TASOR2: variants seen among roughly 807,000 people sequenced by gnomAD.
TASOR2 encodes the protein transcription activation suppressor family member 2, also known as protein TASOR 2.
A neutral mutation model predicts 199.5 loss-of-function variants in TASOR2; 84 were observed. That is an observed-to-expected ratio of 0.42 (90% CI 0.35 to 0.50). The LOEUF (loss-of-function observed/expected upper bound fraction) is 0.50, where lower values mean the gene tolerates loss of function less well. Among genes scored for constraint, TASOR2 ranks in the 20% least tolerant of loss-of-function variants. The pLI is 0.02. For synonymous variants in TASOR2, 1,103 were observed against 1,046.6 expected, an observed-to-expected ratio of 1.05 and a Z score of -1.04; for missense variants, 2,796 against 2,835.9, an observed-to-expected ratio of 0.99 and a Z score of 0.32.
At chr10:5,729,261 T>C (rs564548623) in intron 10 of TASOR2, among the ~76,000 whole-genome samples, 6 of 152,170 alleles carry the variant, frequency 3.9e-5, no homozygotes, top group Non-Finnish European at 8.8e-5. Flanking sequence ...AGACACAGAA[T>C]TGCTTGAACC....
chr10:5,749,553 G>A, exon 15 of TASOR2: 1 of 1,614,106 alleles, frequency 6.2e-7, no homozygotes, highest in Non-Finnish European at 8.5e-7. Flanking sequence ...TAACAGTTGT[G>A]GAGTCAGATC....
chr10:5,743,879 T>A (rs775963738), intron 14 of TASOR2: 1 of 131,402 alleles, frequency 7.6e-6, no homozygotes, highest in Non-Finnish European at 1.6e-5. Context: ...TCTTGTTGAA[T>A]GCTGTGCCTG....
chr10:5,761,649 TA>T (rs1237638618), intron 19 of TASOR2, 178 bp downstream of exon 20: 1 of 600,650 alleles, frequency 1.7e-6, no homozygotes. Context: ...TATTTGCAGG[TA>T]ACTACACAAT....
intron 1 of TASOR2, among the ~76,000 whole-genome samples, chr10:5,703,219 A>G (rs1303219123): frequency 2.6e-5 from 4 of 152,174 alleles, no homozygotes; most frequent in Non-Finnish European, 2.9e-5. Context: ...TAGTCTTCCT[A>G]ATTTTAAAGG....
At chr10:5,702,649 T>C (rs1184374922) in intron 1 of TASOR2, among the ~76,000 whole-genome samples, 1 of 141,436 alleles carries the variant, frequency 7.1e-6, no homozygotes, top group Non-Finnish European at 1.5e-5. Flanking sequence ...TTTTTTTTTT[T>C]TTTTTTTTTT....
Position 5,761,559 on chromosome 10 carries a change from G to T in TASOR2, c.7174+88G>T, listed in dbSNP as rs1588948714. ...GTTAGATACCTGATGAAGAGTATCAGGTATCTAAATGGCTTGGCATCCCAT... is the reference window on the plus strand; with the variant it reads ...GTTAGATACCTGATGAAGAGTATCATGTATCTAAATGGCTTGGCATCCCAT... On this transcript the variant is annotated intron_variant, in intron 19 of 20. Coordinates refer to ENST00000328090, the Ensembl canonical transcript of TASOR2. 4.1e-6 allele frequency: 5 copies of T among 1,205,258 alleles called. No homozygotes were observed. The East Asian group carries it at 9.4e-5, about 23-fold the overall frequency. The allele number at this position is 1,205,258 out of a possible 1,614,324, so 74.7% of individuals were successfully genotyped here.
intron 1 of TASOR2, chr10:5,712,619 T>A: frequency 8.9e-7 from 1 of 1,129,670 alleles, no homozygotes; most frequent in Non-Finnish European, 1.1e-6. Context: ...TATATAAGCC[T>A]AGCACTTTTT....
chr10:5,695,830 A>G (rs1466765896), intron 1 of TASOR2, among the ~76,000 whole-genome samples: 1 of 152,210 alleles, frequency 6.6e-6, no homozygotes, highest in African/African-American at 2.4e-5. Flanking sequence ...GAGCAAGCAG[A>G]TTCTTTCCAC....
At chr10:5,761,322 T>C in exon 19 of TASOR2, 3 of 1,613,920 alleles carry the variant, frequency 1.9e-6, no homozygotes, top group South Asian at 1.1e-5. Context: ...AAGAACATAA[T>C]GTTGAAGTCA....
In TASOR2 at chr10:5,730,080, G is replaced by A. The variant is rs1834602304; in HGVS notation, c.488-407G>A. Among the ~76,000 whole-genome samples the A allele has an allele frequency of 6.6e-6, 1 of 152,174 alleles. No individual in the cohort carries two copies. Among genetic ancestry groups the A allele is most frequent in the African/African-American group, 2.4e-5 (1 of 41,446 alleles). ...TTTGAAGTGAGTTCAGTAAGGTACA[G>A]CTACAGTAAAATAAATTTTAAAACA... On this transcript the variant is annotated intron_variant, in intron 10 of 20. Coordinates refer to ENST00000328090, the Ensembl canonical transcript of TASOR2. The surrounding 1 kb of genome is among the most constrained non-coding windows in gnomAD (Gnocchi z 4.1).
chr10:5,749,568 A>G, exon 15 of TASOR2: 1 of 1,614,070 alleles, frequency 6.2e-7, no homozygotes, highest in Non-Finnish European at 8.5e-7. Context: ...CAGATCCCAG[A>G]CCACAGGGGC....
intron 15 of TASOR2, among the ~76,000 whole-genome samples, chr10:5,753,196 A>G (rs937315911): frequency 2.0e-5 from 3 of 151,908 alleles, no homozygotes; most frequent in Admixed American, 6.6e-5. Flanking sequence ...TTAACGTGAA[A>G]CTCCATTGTT....
rs747836968 is a variant in TASOR2 at position 5,742,129 on chromosome 10, A to G, written c.2360A>G (p.Glu787Gly). The change falls in exon 14 of 21, where the codon GAA (glutamate) becomes GGA (glycine). Residue 787 changes from glutamate (E) to glycine (G), a missense_variant. Around this residue, in one of 3 missense-constraint regions of TASOR2, gnomAD observed 1,941 missense variants for 1,924.9 expected, o/e 1.01. Coordinates refer to ENST00000328090, the Ensembl canonical transcript of TASOR2. The surrounding 1 kb of genome is among the most constrained non-coding windows in gnomAD (Gnocchi z 4.2). ...AATACTGATTTGCCTGATAATGTGGAAGAAGTGAAGCTTTTACTTCATATG... is the reference window on the plus strand; with the variant it reads ...AATACTGATTTGCCTGATAATGTGGGAGAAGTGAAGCTTTTACTTCATATG... The G allele has an allele frequency of 1.2e-6, 2 of 1,614,156 alleles. No homozygotes were observed. The highest frequency in any genetic ancestry group is 1.1e-5 in the South Asian group (1 of 91,066).
At chr10:5,762,507 A>G (rs1261266638) in intron 19 of TASOR2, 25 bp from the exon 21 acceptor site, 2 of 470,304 alleles carry the variant, frequency 4.3e-6, no homozygotes, top group Non-Finnish European at 6.2e-6. Flanking sequence ...ATTAACCAAA[A>G]GTTGTTTTTT....
At chr10:5,692,974 C>G (rs1836647569) in intron 1 of TASOR2, 1 of 152,338 alleles carries the variant, frequency 6.6e-6, no homozygotes, top group African/African-American at 2.4e-5. Flanking sequence ...GCTCTGACCC[C>G]CGCTGTGCCT....
rs1833453166 is a variant in TASOR2 at position 5,722,191 on chromosome 10, C to T, written c.146+1221C>T. Among the ~76,000 whole-genome samples the T allele has an allele frequency of 6.6e-6, 1 of 151,992 alleles. No homozygotes were observed. The highest frequency in any genetic ancestry group is 1.5e-5 in the Non-Finnish European group (1 of 67,994). On this transcript the variant is annotated intron_variant, in intron 6 of 20. Coordinates refer to ENST00000328090, the Ensembl canonical transcript of TASOR2. This position sits in a 1 kb window ranked among gnomAD's most constrained non-coding sequence, Gnocchi z 4.0. Reference sequence around the variant, plus strand: ...TGCTAGGGGCCAGGCACAGTGGCTCCTGTCTGTAATGCTAGCACTTTGGGA... The same window carrying T: ...TGCTAGGGGCCAGGCACAGTGGCTCTTGTCTGTAATGCTAGCACTTTGGGA...
intron 8 of TASOR2, among the ~76,000 whole-genome samples, chr10:5,726,312 ACT>A (rs1172001015): frequency 1.3e-5 from 2 of 152,098 alleles, no homozygotes; most frequent in Non-Finnish European, 2.9e-5. Flanking sequence ...TCCACTGAAG[ACT>A]CTAATAGAGG....
intron 6 of TASOR2, among the ~76,000 whole-genome samples, chr10:5,723,216 C>T (rs573421917): frequency 4.6e-5 from 7 of 151,516 alleles, no homozygotes; most frequent in East Asian, 4.0e-4. Context: ...CCACCACATC[C>T]GGCTAATTTT....
chr10:5,756,719 T>A (rs746951485), exon 16 of TASOR2: 1 of 1,612,448 alleles, frequency 6.2e-7, no homozygotes, highest in Non-Finnish European at 8.5e-7. Flanking sequence ...AATGAAGATA[T>A]ATCATCACAT....
Sources: gnomAD v4.1 joint callset for allele counts (sites outside exome capture counted in the v4.1 genomes callset) on GRCh38, gnomAD v4.1.1 for gene constraint, gnomAD v4.1.1 regional missense constraint, Gnocchi (gnomAD v3.1) non-coding constraint, MANE v1.5 for transcripts, NCBI Gene and HGNC (gene_info 2026-07-23, HGNC 2026-07-21) for gene names.